ZNF98: variants seen among roughly 807,000 people sequenced by gnomAD.
ZNF98 encodes the protein zinc finger protein 739.
In ZNF98, 8 loss-of-function variants were observed where a neutral mutation model predicts 12.8. That is an observed-to-expected ratio of 0.63 (90% CI 0.37 to 1.13). The LOEUF (loss-of-function observed/expected upper bound fraction) is 1.13. ZNF98 is among the 50% of genes most tolerant of loss of function. ZNF98 has a pLI of 0.01. For synonymous variants in ZNF98, 112 were observed against 223.5 expected, an observed-to-expected ratio of 0.50 and a Z score of 4.45; for missense variants, 379 against 666.1, an observed-to-expected ratio of 0.57 and a Z score of 4.74.
intron 3 of ZNF98, among the ~76,000 whole-genome samples, chr19:22,402,116 C>T (rs1969464778): frequency 1.5e-5 from 2 of 134,406 alleles, no homozygotes; most frequent in Admixed American, 8.6e-5. Flanking sequence ...GCAGAGATTG[C>T]AGTTAGCCAA....
chr19:22,398,310 T>C (rs528459800), intron 3 of ZNF98, among the ~76,000 whole-genome samples: 1 of 152,184 alleles, frequency 6.6e-6, no homozygotes, highest in African/African-American at 2.4e-5. Context: ...GTTTAATGTG[T>C]ATTGTAAACT....
rs3084811 is a variant in ZNF98, at chr19:22,397,212, T to TTGTGTGTGTG, written c.254-4241_254-4232dup. Among the ~76,000 whole-genome samples the TTGTGTGTGTG allele has an allele frequency of 2.4e-3, 344 of 145,324 alleles. 3 individuals carry two copies. The highest frequency in any genetic ancestry group is 8.6e-3 in the African/African-American group (333 of 38,866). On this transcript the variant is annotated intron_variant, in intron 3 of 3. Coordinates refer to ENST00000357774, the MANE Select transcript of ZNF98 (RefSeq NM_001098626.2). ...CATCTGTGTGTGTGTGTGTGTGTTT[T>TTGTGTGTGTG]TGTGTGTGTGTGTGTGTGTGTGTAT...
intron 1 of ZNF98, among the ~76,000 whole-genome samples, chr19:22,407,819 C>T (rs1209694858): frequency 2.6e-5 from 4 of 152,024 alleles, no homozygotes; most frequent in Non-Finnish European, 2.9e-5. Context: ...GCCTGTAATC[C>T]GCCACTTTGG....
rs1033184703 is a variant in ZNF98 at position 22,402,652 on chromosome 19, A to T, written c.253+137T>A. The T allele has an allele frequency of 6.7e-6, 7 of 1,047,836 alleles. No individual in the cohort carries two copies. In the African/African-American group the frequency reaches 6.7e-5, roughly 10 times the overall value. The allele number at this position is 1,047,836 out of a possible 1,614,324, so 64.9% of individuals were successfully genotyped here. On this transcript the variant is annotated intron_variant, in intron 3 of 3. Coordinates refer to ENST00000357774, the MANE Select transcript of ZNF98 (RefSeq NM_001098626.2). The stretch of plus-strand genomic sequence containing the variant: ...ATGCTTCTATGTGAAAGCAAAATTT[A>T]AAAAATTCAAGTTTCCTAGAAACTA...
At chr19:22,411,520 G>A (rs73923893) in intron 1 of ZNF98, among the ~76,000 whole-genome samples, 2,193 of 152,120 alleles carry the variant, frequency 0.014, 57 homozygotes, top group African/African-American at 0.05. Context: ...AAATCTGTGC[G>A]TACTTTTAAT....
intron 3 of ZNF98, among the ~76,000 whole-genome samples, chr19:22,399,937 T>C (rs973136770): frequency 2.0e-5 from 3 of 152,190 alleles, no homozygotes; most frequent in African/African-American, 4.8e-5. Context: ...CCAAAACAAG[T>C]GCCCTTAAAG....
Position 22,403,422 on chromosome 19 carries a change from C to G in ZNF98, c.121G>C (p.Val41Leu). The G allele has an allele frequency of 6.2e-7, 1 of 1,606,220 alleles. No homozygotes were observed. The highest frequency in any genetic ancestry group is 8.5e-7 in the Non-Finnish European group (1 of 1,177,086). The part of the protein sequence containing the change: ...DTAQQNLYRN[V>L]MLENYRNLVF... The stretch of plus-strand genomic sequence containing the variant: ...AGGTTTCTGTAGTTCTCTAACATCA[C>G]ATTCCTATATAAATTCTGCTGTGCG... Residue 41 changes from valine (V) to leucine (L), a missense_variant, in exon 2 of 4, where the codon GTG becomes CTG. Physicochemically the swap from Val to Leu is conservative, Grantham distance 32. Transcript: ENST00000357774.
chr19:22,406,055 G>A (rs563046393), intron 1 of ZNF98, among the ~76,000 whole-genome samples: 1 of 152,220 alleles, frequency 6.6e-6, no homozygotes, highest in East Asian at 1.9e-4. Context: ...TAGTTCTAAG[G>A]AATCCAAGCA....
chr19:22,394,658 G>A (rs913758802), intron 3 of ZNF98, among the ~76,000 whole-genome samples: 5 of 151,882 alleles, frequency 3.3e-5, no homozygotes, highest in South Asian at 2.1e-4. Flanking sequence ...GACACAGGGC[G>A]GGGAACATCA....
intron 1 of ZNF98, among the ~76,000 whole-genome samples, chr19:22,412,938 A>C (rs988745493): frequency 7.9e-5 from 12 of 152,066 alleles, no homozygotes; most frequent in African/African-American, 2.9e-4. Context: ...CTGTAATCCC[A>C]CCTACTCAGG....
At chr19:22,421,275 G>C (rs1969700397) in intron 1 of ZNF98, among the ~76,000 whole-genome samples, 1 of 152,188 alleles carries the variant, frequency 6.6e-6, no homozygotes, top group South Asian at 2.1e-4. Context: ...ATTAGGGAGA[G>C]GAAGTTGGCA....
Position 22,394,503 on chromosome 19 carries a change from T to C in ZNF98, c.254-1522A>G, listed in dbSNP as rs1207569340. ...CGTATATACTACAGAATACTATGTA[T>C]TCATGAAAAAGGATGAGTTCATGTC... On this transcript the variant is annotated intron_variant, in intron 3 of 3. Transcript: ENST00000357774. Among the ~76,000 whole-genome samples the C allele has an allele frequency of 2.6e-5, 4 of 152,094 alleles. No individual in the cohort carries two copies. In the East Asian group the frequency reaches 7.7e-4, roughly 29 times the overall value.
intron 1 of ZNF98, among the ~76,000 whole-genome samples, chr19:22,407,385 C>T (rs1347142512): frequency 1.4e-5 from 2 of 146,390 alleles, no homozygotes; most frequent in African/African-American, 4.9e-5. Flanking sequence ...CAAAAAACAG[C>T]TCCTGAATTC....
rs1470027005 is a variant in ZNF98 at position 22,391,959 on chromosome 19, T to C, written c.1276A>G (p.Arg426Gly). The C allele has an allele frequency of 5.8e-6, 9 of 1,565,052 alleles. No homozygotes were observed. The highest frequency in any genetic ancestry group is 7.8e-6 in the Non-Finnish European group (9 of 1,156,758). ...TAGGGCTTCTCTCCAGTATGAATTC[T>C]CTTATGTGTAGTAAGGTGTGAGAAC... ...SRFSHLTTHK[R>G]IHTGEKPYKC... is the part of the protein sequence containing the mutation. The change falls in exon 4 of 4, where the codon AGA (arginine) becomes GGA (glycine). Residue 426 changes from arginine to glycine, a missense_variant. By Grantham distance (125) the Arg-to-Gly change is moderately radical. Around this residue, in one of 8 missense-constraint regions of ZNF98, gnomAD observed 19 missense variants for 119.7 expected, o/e 0.16. Coordinates refer to ENST00000357774, the MANE Select transcript of ZNF98 (RefSeq NM_001098626.2).
Position 22,391,458 on chromosome 19 carries a change from C to G in ZNF98, c.*58G>C. ...TAGAAGTTTTCTCCAGAATGAATTA[C>G]CTTACCTACAATCCAGTGTGATAAC... On this transcript the variant is annotated 3_prime_UTR_variant, in exon 4 of 4. Transcript: ENST00000357774. 6.7e-7 allele frequency: 1 copy of G among 1,500,806 alleles called. No individual in the cohort carries two copies. The highest frequency in any genetic ancestry group is 8.9e-7 in the Non-Finnish European group (1 of 1,125,532). 93.0% of individuals were successfully genotyped at this position (1,500,806 alleles called of 1,614,324 possible).
At position 22,396,306 on chromosome 19, in the gene ZNF98, T is replaced by TC. The variant is rs566460861; in HGVS notation, c.254-3326_254-3325insG. 3.7e-3 allele frequency among the ~76,000 whole-genome samples: 561 copies of TC among 152,186 alleles called. 1 individual carries two copies. Among genetic ancestry groups the TC allele is most frequent in the African/African-American group, 0.013 (537 of 41,532 alleles). ...TTTTTTTATTCAACTGAGATTTATT[T>TC]TATACCAAATTAAAACTATACTGTT... On this transcript the variant is annotated intron_variant, in intron 3 of 3. Coordinates refer to ENST00000357774, the MANE Select transcript of ZNF98 (RefSeq NM_001098626.2).
chr19:22,422,308 A>G lies in ZNF98; in HGVS notation c.-84T>C. On this transcript the variant is annotated 5_prime_UTR_variant, in exon 1 of 4. Coordinates refer to ENST00000357774, the MANE Select transcript of ZNF98 (RefSeq NM_001098626.2). ...GAGCAGAGGACACAGAAGGGCGAAG[A>G]CGAGACCAGGAACTCCGGCTGCAGC... 6.5e-7 allele frequency: 1 copy of G among 1,547,576 alleles called. No individual in the cohort carries two copies.
At chr19:22,393,144 T>C (rs1969351983) in intron 3 of ZNF98, among the ~76,000 whole-genome samples, 163 bp from the exon 4 acceptor site, 1 of 152,098 alleles carries the variant, frequency 6.6e-6, no homozygotes, top group African/African-American at 2.4e-5. Flanking sequence ...ACAGAACAAA[T>C]TACATTTCTG....
chr19:22,391,320 A>T lies in ZNF98; in HGVS notation c.*196T>A, dbSNP rs1969318984. 3 of 1,149,734 alleles carry T rather than the reference A, an allele frequency of 2.6e-6. No homozygotes were observed. The highest frequency in any genetic ancestry group is 3.6e-6 in the Non-Finnish European group (3 of 834,384). 71.2% of individuals were successfully genotyped at this position (1,149,734 alleles called of 1,614,324 possible). A position where few individuals can be genotyped will look rare whatever the true frequency, so the allele number is the denominator to read the frequency against. ...GCTGAATAAGATGTGTGCAGATATTAATCACTTTTTTACTTTCTTTATATT... is the reference window on the plus strand; with the variant it reads ...GCTGAATAAGATGTGTGCAGATATTTATCACTTTTTTACTTTCTTTATATT... On this transcript the variant is annotated 3_prime_UTR_variant, in exon 4 of 4. Transcript: ENST00000357774.
Sources: allele counts gnomAD v4.1 joint callset (sites outside exome capture counted in the v4.1 genomes callset), GRCh38; gene constraint gnomAD v4.1.1; regional missense constraint gnomAD v4.1.1; transcripts MANE v1.5; gene names NCBI Gene and HGNC (gene_info 2026-07-23, HGNC 2026-07-21).